SLC13A4: variants seen among roughly 807,000 people sequenced by gnomAD.
The protein encoded by SLC13A4 is Na(+)/sulfate cotransporter SUT-1.
A neutral mutation model predicts 72.7 loss-of-function variants in SLC13A4; 28 were observed. The observed-to-expected ratio is 0.39, with a 90% CI of 0.29 to 0.53. SLC13A4 has a LOEUF of 0.53. Among genes scored for constraint, SLC13A4 ranks in the 20% least tolerant of loss-of-function variants. SLC13A4 has a pLI of 0.78. For synonymous variants in SLC13A4, 312 were observed against 325.5 expected (o/e 0.96, Z 0.45); for missense variants, 653 against 788.0 (o/e 0.83, Z 2.05).
chr7:135,684,766 C>T (rs560564596), intron 14 of SLC13A4, among the ~76,000 whole-genome samples: 1 of 151,398 alleles, frequency 6.6e-6, no homozygotes, highest in South Asian at 2.1e-4. Context: ...AGCAAGATGA[C>T]GGAAGGGAGA....
At chr7:135,707,822 G>C in intron 3 of SLC13A4, 1 of 276,882 alleles carries the variant, frequency 3.6e-6, no homozygotes, top group Non-Finnish European at 6.7e-6. Flanking sequence ...AATTTCTCTT[G>C]GTCCATCCTG....
chr7:135,715,271 A>G (rs536226152), intron 2 of SLC13A4, among the ~76,000 whole-genome samples: 3 of 148,660 alleles, frequency 2.0e-5, no homozygotes, highest in South Asian at 4.4e-4. Flanking sequence ...GGGCATGTGT[A>G]TGAGTGTATG....
chr7:135,706,045 G>T (rs964476317), intron 4 of SLC13A4, 83 bp downstream of exon 4: 25 of 1,394,640 alleles, frequency 1.8e-5, no homozygotes, highest in Non-Finnish European at 2.4e-5. Context: ...ACAAAGTTGG[G>T]CAGTCTCCCT....
Position 135,691,244 on chromosome 7 carries a change from A to G in SLC13A4, c.1403T>C (p.Val468Ala). Reference protein sequence around the residue: ...DFQKTMPWEIVILVGGGYALA... With the variant: ...DFQKTMPWEIAILVGGGYALA... ...AGCATAGCCTCCCCCAACCAGAATG[A>G]CAATCTCCCAGGGCATGGTCTTCTG... Residue 468 changes from valine to alanine, a missense_variant, in exon 13 of 16, where the codon GTC becomes GCC. Transcript: ENST00000682651. 1 of 1,613,028 alleles carries G rather than the reference A, an allele frequency of 6.2e-7. No individual in the cohort carries two copies. The highest frequency in any genetic ancestry group is 8.5e-7 in the Non-Finnish European group (1 of 1,179,640).
chr7:135,716,477 T>A (rs998917139), intron 2 of SLC13A4, among the ~76,000 whole-genome samples: 2 of 152,114 alleles, frequency 1.3e-5, no homozygotes, highest in African/African-American at 4.8e-5. Flanking sequence ...GCTAATTTTT[T>A]ATTCTATTTT....
intron 2 of SLC13A4, among the ~76,000 whole-genome samples, chr7:135,715,511 AT>A (rs1563169329): frequency 6.9e-6 from 1 of 145,484 alleles, no homozygotes; most frequent in East Asian, 2.0e-4. Context: ...AGGAGTGTGT[AT>A]GTGAGTGTGT....
At chr7:135,713,388 A>G (rs1206062920) in intron 2 of SLC13A4, among the ~76,000 whole-genome samples, 1 of 152,126 alleles carries the variant, frequency 6.6e-6, no homozygotes, top group Non-Finnish European at 1.5e-5. Flanking sequence ...AGGAATAGCT[A>G]TAGCAATCTT....
chr7:135,706,517 A>G (rs1266165508), intron 3 of SLC13A4, among the ~76,000 whole-genome samples: 1 of 152,248 alleles, frequency 6.6e-6, no homozygotes, highest in East Asian at 1.9e-4. Flanking sequence ...ATCACACTTC[A>G]TGGACTAGCG....
rs1796072394 is a variant in SLC13A4, at chr7:135,702,887, G to A, written c.594-3C>T. The stretch of plus-strand genomic sequence containing the variant: ...TGGTGAGGTCTGCGTTGGACCTGCT[G>A]GAACCAAGCAGAGGACACAGGAGCC... On this transcript the variant is annotated splice_region_variant and splice_polypyrimidine_tract_variant and intron_variant, in intron 5 of 15. Coordinates refer to ENST00000682651, the MANE Select transcript of SLC13A4 (RefSeq NM_001318192.2). The A allele has an allele frequency of 6.2e-7, 1 of 1,612,998 alleles. No homozygotes were observed. The highest frequency in any genetic ancestry group is 8.5e-7 in the Non-Finnish European group (1 of 1,178,972).
At chr7:135,691,681 C>G in intron 11 of SLC13A4, 36 bp from the exon 12 acceptor site, 1 of 1,405,040 alleles carries the variant, frequency 7.1e-7, no homozygotes, top group Non-Finnish European at 1.0e-6. Flanking sequence ...GGAGAAGGGT[C>G]AGGAATTTTC....
chr7:135,711,645 CAGCCTGCCACACGGTG>C (rs1796303807), intron 2 of SLC13A4, among the ~76,000 whole-genome samples: 1 of 152,198 alleles, frequency 6.6e-6, no homozygotes, highest in African/African-American at 2.4e-5. Flanking sequence ...GCCTCCTAGA[CAGCCTGCCACACGGTG>C]AGCCGACTGG....
intron 1 of SLC13A4, 88 bp from the exon 2 acceptor site, chr7:135,721,611 A>G (rs1476941653): frequency 6.5e-7 from 1 of 1,533,528 alleles, no homozygotes; most frequent in East Asian, 2.3e-5. Context: ...GAGGCAGCAG[A>G]CTCAGACTGT....
intron 9 of SLC13A4, 27 bp downstream of exon 9, chr7:135,695,341 C>T (rs989801895): frequency 1.1e-5 from 17 of 1,613,096 alleles, no homozygotes; most frequent in Non-Finnish European, 1.3e-5. Flanking sequence ...GGCTTCAGTG[C>T]TTTGCTGAAA....
At position 135,702,951 on chromosome 7, in the gene SLC13A4, T is replaced by C. The variant is rs940425212; in HGVS notation, c.594-67A>G. ...CGACTCTTGGGAGGGGAGGTCCCCC[T>C]GCATCAGGCGTTTGGTGTAAGGGAC... On this transcript the variant is annotated intron_variant, in intron 5 of 15. Transcript: ENST00000682651. 6 of 1,188,378 alleles carry C rather than the reference T, an allele frequency of 5.0e-6. No homozygotes were observed. The African/African-American group carries it at 9.1e-5, about 18-fold the overall frequency. The allele number at this position is 1,188,378 out of a possible 1,614,324, so 73.6% of individuals were successfully genotyped here.
At chr7:135,702,920 T>C in intron 5 of SLC13A4, 36 bp from the exon 6 acceptor site, 1 of 1,546,474 alleles carries the variant, frequency 6.5e-7, no homozygotes, top group South Asian at 1.1e-5. Context: ...GCCACGTCAG[T>C]GAGGCCGACT....
intron 2 of SLC13A4, among the ~76,000 whole-genome samples, chr7:135,715,131 G>A (rs529991904): frequency 3.3e-5 from 5 of 151,716 alleles, no homozygotes; most frequent in Admixed American, 6.6e-5. Context: ...GTGTGTATGC[G>A]TGTGTGAGAA....
At chr7:135,692,566 T>G (rs765407368) in intron 10 of SLC13A4, 142 bp from the exon 11 acceptor site, 1 of 614,512 alleles carries the variant, frequency 1.6e-6, no homozygotes, top group African/African-American at 1.9e-5. Context: ...TATGAATGGC[T>G]GACAGTGAGA....
intron 8 of SLC13A4, among the ~76,000 whole-genome samples, chr7:135,697,311 A>G (rs1464808597): frequency 1.3e-5 from 2 of 152,222 alleles, no homozygotes; most frequent in Non-Finnish European, 2.9e-5. Context: ...CTCAGCCTCT[A>G]TGCCACTTTT....
At chr7:135,701,844 G>A in intron 6 of SLC13A4, 84 bp from the exon 7 acceptor site, 2 of 1,349,784 alleles carry the variant, frequency 1.5e-6, no homozygotes, top group Non-Finnish European at 2.1e-6. Context: ...GTCATCCCAG[G>A]GCCACCCCAT....
Sources: allele counts gnomAD v4.1 joint callset (sites outside exome capture counted in the v4.1 genomes callset), GRCh38; gene constraint gnomAD v4.1.1; transcripts MANE v1.5; gene names NCBI Gene and HGNC (gene_info 2026-07-23, HGNC 2026-07-21).